Variants in AQR observed in about 807,000 individuals in gnomAD.
The protein encoded by AQR is RNA helicase aquarius.
A neutral mutation model predicts 180.5 loss-of-function variants in AQR; 61 were observed. The observed-to-expected ratio is 0.34, with a 90% CI of 0.28 to 0.42. The LOEUF (loss-of-function observed/expected upper bound fraction) is 0.42, where lower values mean the gene tolerates loss of function less well. Ranked by LOEUF, AQR falls within the 10% of genes least tolerant of loss-of-function variation. The probability of loss-of-function intolerance (pLI) is 1.00; values close to 1 mark genes in which losing one functional copy is unlikely to be tolerated. For synonymous variants in AQR, 551 were observed against 588.8 expected, an observed-to-expected ratio of 0.94 and a Z score of 0.93; for missense variants, 1,281 against 1,798.3, an observed-to-expected ratio of 0.71 and a Z score of 5.20.
At chr15:34,927,929 G>A (rs1239679556) in intron 12 of AQR, among the ~76,000 whole-genome samples, 2 of 152,208 alleles carry the variant, frequency 1.3e-5, no homozygotes, top group Non-Finnish European at 2.9e-5. Context: ...GTCCTCAGGA[G>A]AATGCTAGCA....
intron 18 of AQR, 124 bp downstream of exon 18, chr15:34,906,415 TACAAAA>T: frequency 9.1e-7 from 1 of 1,094,590 alleles, no homozygotes; most frequent in South Asian, 1.6e-5. Flanking sequence ...ACATATTTGA[TACAAAA>T]TCCTTTGTGT....
chr15:34,938,962 T>C, intron 8 of AQR, 149 bp from the exon 9 acceptor site: 4 of 590,710 alleles, frequency 6.8e-6, no homozygotes, highest in Non-Finnish European at 1.2e-5. Flanking sequence ...CAGCTTCTTC[T>C]TTCTATGTAA....
intron 26 of AQR, among the ~76,000 whole-genome samples, chr15:34,883,074 A>G (rs536842170): frequency 4.6e-5 from 7 of 152,284 alleles, no homozygotes; most frequent in African/African-American, 1.7e-4. Flanking sequence ...CCTAGACTAG[A>G]AAGAATAAAG....
chr15:34,879,171 T>C (rs1288874090), intron 27 of AQR, among the ~76,000 whole-genome samples: 1 of 152,184 alleles, frequency 6.6e-6, no homozygotes, highest in African/African-American at 2.4e-5. Context: ...ATAGTGAAAT[T>C]GTATCCCAAA....
At chr15:34,895,323 T>G (rs562255671) in intron 22 of AQR, among the ~76,000 whole-genome samples, 54 of 131,874 alleles carry the variant, frequency 4.1e-4, no homozygotes, top group Non-Finnish European at 7.0e-4. Context: ...AAATAGAAAA[T>G]AAATAAAAAT....
Position 34,927,089 on chromosome 15 carries a change from T to A in AQR, c.1064A>T (p.Asn355Ile), listed in dbSNP as rs767183682. 6.3e-7 allele frequency: 1 copy of A among 1,595,452 alleles called. No homozygotes were observed. Among genetic ancestry groups the A allele is most frequent in the Non-Finnish European group, 8.5e-7 (1 of 1,170,498 alleles). The change falls in exon 13 of 35, where the codon AAT becomes ATT. Residue 355 changes from asparagine to isoleucine, a missense_variant. By Grantham distance (149) the Asn-to-Ile change is moderately radical (BLOSUM62 -3). Around this residue, in one of 9 missense-constraint regions of AQR, gnomAD observed 404 missense variants for 490.9 expected, o/e 0.82. Transcript: ENST00000156471. ...FPELYDFALS[N>I]VAEVDTRESL... is the part of the protein sequence containing the mutation. Reference sequence around the variant, plus strand: ...CTCCCGAGTATCTACTTCTGCCACATTTGAGAGGGCAAAATCATAGAGTTC... The same window carrying A: ...CTCCCGAGTATCTACTTCTGCCACAATTGAGAGGGCAAAATCATAGAGTTC...
At chr15:34,935,006 CTTAT>C (rs1188901930) in intron 9 of AQR, among the ~76,000 whole-genome samples, 1 of 152,044 alleles carries the variant, frequency 6.6e-6, no homozygotes, top group Admixed American at 6.6e-5. Flanking sequence ...CTTCACTTTC[CTTAT>C]TGTCTTTACA....
intron 26 of AQR, among the ~76,000 whole-genome samples, chr15:34,883,094 G>A (rs898625662): frequency 2.0e-5 from 3 of 152,074 alleles, no homozygotes; most frequent in African/African-American, 4.8e-5. Context: ...GGTAGGAAGT[G>A]GTATTATCAG....
chr15:34,870,421 A>G (rs933390945), intron 31 of AQR, among the ~76,000 whole-genome samples: 4 of 152,140 alleles, frequency 2.6e-5, no homozygotes, highest in African/African-American at 7.2e-5. Context: ...CCTATACACA[A>G]TAAAAAGCAG....
chr15:34,869,556 T>C (rs1029563363), intron 31 of AQR: 1 of 152,144 alleles, frequency 6.6e-6, no homozygotes, highest in Non-Finnish European at 1.5e-5. Flanking sequence ...CCTATTTCCA[T>C]CTTGTTATGA....
intron 6 of AQR, chr15:34,943,279 T>C: frequency 6.3e-7 from 1 of 1,591,232 alleles, no homozygotes; most frequent in African/African-American, 1.3e-5. Context: ...AAGATTGTGC[T>C]AAGGCTTGAG....
At chr15:34,962,255 T>A (rs2050284002) in intron 2 of AQR, among the ~76,000 whole-genome samples, 1 of 151,986 alleles carries the variant, frequency 6.6e-6, no homozygotes, top group South Asian at 2.1e-4. Flanking sequence ...ACTCCTGAAG[T>A]CAAGTGACCT....
intron 27 of AQR, among the ~76,000 whole-genome samples, chr15:34,881,972 G>GC (rs1892978710): frequency 6.6e-6 from 1 of 151,856 alleles, no homozygotes; most frequent in Admixed American, 6.6e-5. Flanking sequence ...TGCTCAGCTA[G>GC]TTTTTGTATT....
chr15:34,944,173 CT>C (rs1334873003), intron 6 of AQR, 114 bp downstream of exon 6: 7 of 996,922 alleles, frequency 7.0e-6, no homozygotes, highest in Non-Finnish European at 1.0e-5. Context: ...TAGCATTATC[CT>C]TATTGCCTGC....
At chr15:34,926,964 G>A in intron 13 of AQR, 71 bp downstream of exon 13, 10 of 889,350 alleles carry the variant, frequency 1.1e-5, no homozygotes, top group Non-Finnish European at 1.5e-5. Flanking sequence ...ATGATTAAAA[G>A]CAATAAAGAA....
At chr15:34,916,194 TTA>T (rs1261026333) in intron 15 of AQR, among the ~76,000 whole-genome samples, 1 of 152,186 alleles carries the variant, frequency 6.6e-6, no homozygotes, top group African/African-American at 2.4e-5. Flanking sequence ...CACTGAATTA[TTA>T]TGTTACATTG....
rs1180797707 is a variant in AQR, at chr15:34,895,187, AATATATATATATATAT to A, written c.2461-1430_2461-1415del. Among the ~76,000 whole-genome samples, 112 of 12,956 alleles carry A rather than the reference AATATATATATATATAT, an allele frequency of 8.6e-3. 1 individual carries two copies. The highest frequency in any genetic ancestry group is 0.25 in the Middle Eastern group (1 of 4). The allele number at this position is 12,956 out of a possible 152,430, so 8.5% of individuals were successfully genotyped here. On this transcript the variant is annotated intron_variant, in intron 22 of 34. Transcript: ENST00000156471. ...AAAAAAAAAAAAAAAAAAAAAAAAA[AATATATATATATATAT>A]ATATATATATATATATATGAAACAA...
rs1451894692 is a variant in AQR, at chr15:34,886,625, T to C, written c.2718A>G (p.Ile906Met). 2 of 1,613,932 alleles carry C rather than the reference T, an allele frequency of 1.2e-6. No homozygotes were observed. Among genetic ancestry groups the C allele is most frequent in the South Asian group, 1.1e-5 (1 of 91,018 alleles). The change falls in exon 25 of 35, where the codon ATA (isoleucine) becomes ATG (methionine). Residue 906 changes from isoleucine to methionine, a missense_variant. This residue lies in a region of AQR where 125 missense variants were observed against 185.0 expected (regional missense o/e 0.68). Transcript: ENST00000156471. ...GRVNYVLARR[I>M]ELLEEVKRLQ... is the part of the protein sequence containing the mutation. ...ATCGTTTGACTTCTTCTAAAAGTTC[T>C]ATTCTTCGAGCCAGAACATAATTAA...
rs1271925302 is a variant in AQR at position 34,946,635 on chromosome 15, T to TCTGCCTGGCCGCCC, written c.330+1615_330+1628dup. Among the ~76,000 whole-genome samples, 4 of 134,060 alleles carry TCTGCCTGGCCGCCC rather than the reference T, an allele frequency of 3.0e-5. No homozygotes were observed. The East Asian group carries it at 7.5e-4, about 25-fold the overall frequency. The allele number at this position is 134,060 out of a possible 152,430, so 87.9% of individuals were successfully genotyped here. A position where few individuals can be genotyped will look rare whatever the true frequency, so the allele number is the denominator to read the frequency against. The stretch of plus-strand genomic sequence containing the variant: ...CCCCATCCGGGAGGTGAGGGGCGCC[T>TCTGCCTGGCCGCCC]CTGCCTGGCCGCCCCTACTGGAAAG... On this transcript the variant is annotated intron_variant, in intron 5 of 34. Coordinates refer to ENST00000156471, the MANE Select transcript of AQR (RefSeq NM_014691.3).
Sources: gnomAD v4.1 joint callset for allele counts (sites outside exome capture counted in the v4.1 genomes callset) on GRCh38, gnomAD v4.1.1 for gene constraint, gnomAD v4.1.1 regional missense constraint, MANE v1.5 for transcripts, NCBI Gene and HGNC (gene_info 2026-07-23, HGNC 2026-07-21) for gene names.